Variants in SPRED2 observed in about 807,000 individuals in gnomAD.
SPRED2 encodes the protein sprouty-related, EVH1 domain-containing protein 2.
SPRED2 carries 47 observed loss-of-function variants against 43.0 expected under a neutral mutation model. That is an observed-to-expected ratio of 1.09 (90% CI 0.87 to 1.40). SPRED2 has a LOEUF of 1.40. SPRED2 is among the 40% of genes most tolerant of loss of function. SPRED2 has a pLI of 0.00. For synonymous variants in SPRED2, 225 were observed against 225.7 expected (o/e 1.00, Z 0.03); for missense variants, 561 against 586.4 (o/e 0.96, Z 0.45).
chr2:65,424,610 G>A (rs914919142), intron 1 of SPRED2, among the ~76,000 whole-genome samples: 2 of 151,938 alleles, frequency 1.3e-5, no homozygotes, highest in African/African-American at 4.8e-5. Flanking sequence ...CTGGGCAACA[G>A]AGCAAGACCC....
At chr2:65,332,712 T>C (rs767278179) in intron 3 of SPRED2, among the ~76,000 whole-genome samples, 4 of 152,216 alleles carry the variant, frequency 2.6e-5, no homozygotes, top group Non-Finnish European at 5.9e-5. Flanking sequence ...AAAACCCTCC[T>C]TATTCCATCA....
At chr2:65,357,842 T>A (rs1674701835) in intron 1 of SPRED2, among the ~76,000 whole-genome samples, 1 of 152,182 alleles carries the variant, frequency 6.6e-6, no homozygotes, top group East Asian at 1.9e-4. Context: ...TAACCTCCAT[T>A]ACACATCTTC....
chr2:65,376,292 G>T (rs62139126), intron 1 of SPRED2, among the ~76,000 whole-genome samples: 16,692 of 152,212 alleles, frequency 0.11, 1,363 homozygotes, highest in Non-Finnish European at 0.16. Context: ...ATCATGGGAA[G>T]AACAGGGCAC....
At chr2:65,365,026 T>A (rs1674932930) in intron 1 of SPRED2, among the ~76,000 whole-genome samples, 1 of 152,216 alleles carries the variant, frequency 6.6e-6, no homozygotes. Flanking sequence ...ATGTTGTTAA[T>A]AAAAAATGGC....
intron 1 of SPRED2, among the ~76,000 whole-genome samples, chr2:65,420,935 A>G (rs943825183): frequency 2.6e-5 from 4 of 152,220 alleles, no homozygotes; most frequent in African/African-American, 2.4e-5. Flanking sequence ...GAAACAACAC[A>G]ACCACTTCCT....
At chr2:65,337,379 A>G (rs1673996750) in intron 2 of SPRED2, among the ~76,000 whole-genome samples, 1 of 152,202 alleles carries the variant, frequency 6.6e-6, no homozygotes, top group Admixed American at 6.5e-5. Context: ...ATACGGAGAA[A>G]AAAAGTGATT....
At chr2:65,431,812 G>A (rs1012806186) in intron 1 of SPRED2, 150 bp downstream of exon 1, 37 of 935,316 alleles carry the variant, frequency 4.0e-5, no homozygotes, top group Non-Finnish European at 6.0e-5. Context: ...TCAACAAGCA[G>A]GGAAGCCTCG....
Position 65,432,107 on chromosome 2 carries a change from C to T in SPRED2, c.-120G>A. On this transcript the variant is annotated 5_prime_UTR_variant, in exon 1 of 6. Coordinates refer to ENST00000356388, the MANE Select transcript of SPRED2 (RefSeq NM_181784.3). ...CGCCTGATTTGGGGAGGGGGGGCGG[C>T]TAGAGATGAAGAGGGCGCCGCAGCA... The T allele has an allele frequency of 7.4e-7, 1 of 1,348,642 alleles. No individual in the cohort carries two copies. The highest frequency in any genetic ancestry group is 1.2e-5 in the South Asian group (1 of 82,228). 83.5% of individuals were successfully genotyped at this position (1,348,642 alleles called of 1,614,324 possible).
At chr2:65,402,215 G>T (rs1161919233) in intron 1 of SPRED2, among the ~76,000 whole-genome samples, 2 of 140,034 alleles carry the variant, frequency 1.4e-5, no homozygotes, top group Non-Finnish European at 3.0e-5. Context: ...GGAGGCGAAG[G>T]TTTCATTGAG....
chr2:65,340,677 AG>A (rs1674149880), intron 2 of SPRED2, among the ~76,000 whole-genome samples: 1 of 152,232 alleles, frequency 6.6e-6, no homozygotes, highest in African/African-American at 2.4e-5. Flanking sequence ...TGTCTGGAAC[AG>A]AGACTTTTCC....
At chr2:65,404,512 G>C (rs1381889764) in intron 1 of SPRED2, among the ~76,000 whole-genome samples, 1 of 152,162 alleles carries the variant, frequency 6.6e-6, no homozygotes. Flanking sequence ...TTCTCTAGGA[G>C]CACATAATTT....
chr2:65,366,651 G>T (rs1674988724), intron 1 of SPRED2: 1 of 1,548,494 alleles, frequency 6.5e-7, no homozygotes, highest in Non-Finnish European at 8.7e-7. Flanking sequence ...TAGCATTATT[G>T]CTACTATAAA....
chr2:65,313,655 T>A lies in SPRED2; in HGVS notation c.1103A>T (p.Asp368Val). Residue 368 changes from aspartate to valine, a missense_variant, in exon 6 of 6, where the codon GAT (aspartate) becomes GTT (valine). Transcript: ENST00000356388. ...GAGGCAAAACTTCTCGTCGCTAGTA[T>A]CGCACGAGCAAGGGTCTGTATAGTC... Reference protein sequence around the residue: ...EGDYTDPCSCDTSDEKFCLRW... With the variant: ...EGDYTDPCSCVTSDEKFCLRW... 1.2e-6 allele frequency: 2 copies of A among 1,614,156 alleles called. No homozygotes were observed. The highest frequency in any genetic ancestry group is 1.7e-6 in the Non-Finnish European group (2 of 1,180,020).
intron 1 of SPRED2, among the ~76,000 whole-genome samples, chr2:65,375,271 T>C (rs1332095679): frequency 6.6e-6 from 1 of 152,220 alleles, no homozygotes; most frequent in Non-Finnish European, 1.5e-5. Flanking sequence ...CACAGGAACA[T>C]TAACTCTTCC....
intron 1 of SPRED2, among the ~76,000 whole-genome samples, chr2:65,374,792 G>A (rs529149701): frequency 1.2e-4 from 19 of 152,342 alleles, no homozygotes; most frequent in African/African-American, 3.6e-4. Flanking sequence ...GCTTACAGAC[G>A]ACTGACTTGG....
downstream of SPRED2, among the ~76,000 whole-genome samples, chr2:65,310,328 T>TGTCACTGTA (rs1428848366): frequency 6.6e-6 from 1 of 152,114 alleles, no homozygotes; most frequent in Non-Finnish European, 1.5e-5. Context: ...TCCTGGGGAT[T>TGTCACTGTA]GTCACTGTAG....
At chr2:65,429,870 C>T (rs1676638657) in intron 1 of SPRED2, among the ~76,000 whole-genome samples, 1 of 152,238 alleles carries the variant, frequency 6.6e-6, no homozygotes, top group Non-Finnish European at 1.5e-5. Context: ...TCATGCTGAA[C>T]TTGCTCTGAG....
In SPRED2 at chr2:65,432,344, G is replaced by C. The variant is rs1302879406; in HGVS notation, c.-357C>G. Reference sequence around the variant, plus strand: ...CTCGGAGCGGCAGGGACTGCTGCGAGGAGGAGGAGAGCGCCGGCCGCGGGT... The same window carrying C: ...CTCGGAGCGGCAGGGACTGCTGCGACGAGGAGGAGAGCGCCGGCCGCGGGT... On this transcript the variant is annotated 5_prime_UTR_variant, in exon 1 of 6. Coordinates refer to ENST00000356388, the MANE Select transcript of SPRED2 (RefSeq NM_181784.3). Among the ~76,000 whole-genome samples, 1 of 151,466 alleles carries C rather than the reference G, an allele frequency of 6.6e-6. No homozygotes were observed. Among genetic ancestry groups the C allele is most frequent in the Non-Finnish European group, 1.5e-5 (1 of 67,742 alleles).
chr2:65,370,082 TGA>T (rs1675088081), intron 1 of SPRED2, among the ~76,000 whole-genome samples: 1 of 152,250 alleles, frequency 6.6e-6, no homozygotes, highest in Admixed American at 6.5e-5. Flanking sequence ...TACTGTAGGC[TGA>T]CTGTATTGTG....
Sources: allele counts gnomAD v4.1 joint callset (sites outside exome capture counted in the v4.1 genomes callset), GRCh38; gene constraint gnomAD v4.1.1; transcripts MANE v1.5; gene names NCBI Gene and HGNC (gene_info 2026-07-23, HGNC 2026-07-21).